TMC5: variants seen among roughly 807,000 people sequenced by gnomAD.
The protein encoded by TMC5 is transmembrane channel-like protein 5.
Under a neutral mutation model 110.5 loss-of-function variants are expected in TMC5, and 86 were observed. The observed-to-expected ratio is 0.78, with a 90% confidence interval of 0.65 to 0.93. TMC5 has a LOEUF of 0.93. TMC5 is among the 40% of genes least tolerant of loss of function. TMC5 has a pLI of 0.00. For synonymous variants in TMC5, 455 were observed against 439.5 expected, an observed-to-expected ratio of 1.04 and a Z score of -0.44; for missense variants, 1,144 against 1,222.8, an observed-to-expected ratio of 0.94 and a Z score of 0.96.
At chr16:19,444,043 C>G in intron 3 of TMC5, 38 bp from the exon 4 acceptor site, 1 of 1,579,586 alleles carries the variant, frequency 6.3e-7, no homozygotes, top group Non-Finnish European at 8.6e-7. Flanking sequence ...CCTTACTATA[C>G]TCTTGGTTGG....
At chr16:19,443,950 T>G in intron 3 of TMC5, 131 bp from the exon 4 acceptor site, 1 of 890,746 alleles carries the variant, frequency 1.1e-6, no homozygotes, top group South Asian at 1.7e-5. Flanking sequence ...GATGGATGGA[T>G]GGATGGATAA....
At chr16:19,472,018 C>T in intron 10 of TMC5, 70 bp from the exon 11 acceptor site, 2 of 1,547,344 alleles carry the variant, frequency 1.3e-6, no homozygotes, top group Non-Finnish European at 1.8e-6. Context: ...GCCTTGGCCT[C>T]CCAAAGTGCT....
chr16:19,414,546 G>T (rs1966867362), upstream of TMC5, among the ~76,000 whole-genome samples: 1 of 152,064 alleles, frequency 6.6e-6, no homozygotes, highest in Admixed American at 6.6e-5. Context: ...TATTCATACT[G>T]TGTGCAATTC....
Position 19,492,220 on chromosome 16 carries a change from A to C in TMC5, c.2818A>C (p.Ile940Leu), listed in dbSNP as rs1968925522. The C allele has an allele frequency of 1.9e-6, 3 of 1,612,058 alleles. No homozygotes were observed. The highest frequency in any genetic ancestry group is 2.5e-6 in the Non-Finnish European group (3 of 1,178,300). Reference protein sequence around the residue: ...KIMIRLLHEQIINEGKDKMFL... With the variant: ...KIMIRLLHEQLINEGKDKMFL... ...TATGATAAGGCTGCTCCATGAGCAG[A>C]TCATTAATGTAAGTCCCCTTGGATC... Residue 940 changes from isoleucine (I) to leucine (L), a missense_variant, in exon 19 of 22, where the codon ATC becomes CTC. Physicochemically the swap from Ile to Leu is conservative, Grantham distance 5 (BLOSUM62 2). Coordinates refer to ENST00000542583, the MANE Select transcript of TMC5 (RefSeq NM_001261841.2).
upstream of TMC5, among the ~76,000 whole-genome samples, chr16:19,417,418 CAAAAAAAA>C (rs34861075): frequency 1.2e-5 from 1 of 85,338 alleles, no homozygotes; most frequent in Non-Finnish European, 2.2e-5. Context: ...AACGCTGTCT[CAAAAAAAA>C]AAAAAAAAAA....
At chr16:19,417,623 A>G (rs765197650), upstream of TMC5, 11 of 152,114 alleles carry the variant, frequency 7.2e-5, no homozygotes, top group Non-Finnish European at 1.3e-4. Context: ...GGACTTTGAT[A>G]TTTTCATTGA....
At chr16:19,456,311 A>G in intron 5 of TMC5, 1 of 171,782 alleles carries the variant, frequency 5.8e-6, no homozygotes, top group South Asian at 1.5e-4. Context: ...TATAAGTTCT[A>G]GGCCAGAGGC....
chr16:19,413,395 A>C (rs1246830696), upstream of TMC5, among the ~76,000 whole-genome samples: 3 of 151,834 alleles, frequency 2.0e-5, no homozygotes, highest in Admixed American at 6.6e-5. Flanking sequence ...GTGGTGGTGC[A>C]TGCCTGTGGT....
chr16:19,496,052 GA>G (rs2143783425), intron 20 of TMC5, among the ~76,000 whole-genome samples: 1 of 151,832 alleles, frequency 6.6e-6, no homozygotes, highest in South Asian at 2.1e-4. Flanking sequence ...AGCTACTTGG[GA>G]GGCTGAAGCA....
At chr16:19,456,595 TG>T in intron 5 of TMC5, 1 of 1,495,452 alleles carries the variant, frequency 6.7e-7, no homozygotes, top group Non-Finnish European at 8.9e-7. Context: ...TGTATCCCTT[TG>T]TGATCATCAT....
intron 2 of TMC5, among the ~76,000 whole-genome samples, chr16:19,433,097 C>G (rs1967228560): frequency 2.6e-5 from 4 of 152,018 alleles, no homozygotes; most frequent in Admixed American, 6.6e-5. Flanking sequence ...AAAACAAAGA[C>G]CAAAATGATT....
chr16:19,427,856 C>G (rs1252541822), intron 1 of TMC5, among the ~76,000 whole-genome samples: 2 of 108,132 alleles, frequency 1.8e-5, no homozygotes, highest in Non-Finnish European at 4.7e-5. Context: ...TTCTGCCACT[C>G]TCTTTCTTAA....
intron 1 of TMC5, among the ~76,000 whole-genome samples, chr16:19,418,676 CCTT>C (rs1415713349): frequency 1.3e-5 from 2 of 150,884 alleles, no homozygotes; most frequent in Admixed American, 6.6e-5. Context: ...TTCTTCTCAT[CCTT>C]CTCATTTTTC....
intron 15 of TMC5, among the ~76,000 whole-genome samples, chr16:19,485,726 G>A (rs1052270537): frequency 1.1e-4 from 17 of 152,198 alleles, no homozygotes; most frequent in African/African-American, 3.4e-4. Flanking sequence ...AAATTCTAGC[G>A]AGATGTTACA....
chr16:19,491,619 T>C (rs554311264), intron 18 of TMC5, among the ~76,000 whole-genome samples: 1 of 150,894 alleles, frequency 6.6e-6, no homozygotes, highest in East Asian at 2.0e-4. Flanking sequence ...CACTGCAAGT[T>C]CCGCCTCCTG....
chr16:19,477,377 A>G, intron 12 of TMC5, 63 bp from the exon 13 acceptor site: 1 of 1,267,230 alleles, frequency 7.9e-7, no homozygotes, highest in Non-Finnish European at 1.2e-6. Context: ...CAAAGGAGCT[A>G]TTTGCAGACA....
At chr16:19,435,623 C>G (rs569717375) in intron 2 of TMC5, among the ~76,000 whole-genome samples, 9 of 152,144 alleles carry the variant, frequency 5.9e-5, no homozygotes, top group Admixed American at 5.2e-4. Context: ...CTTTAACCAC[C>G]GCTCAAGATC....
In TMC5 at chr16:19,435,311, G is replaced by T. The variant is rs1967318095; in HGVS notation, c.-79-4649G>T. ...TTGAGACCATCCTGGCTAACATGGT[G>T]AAACCCCATCTCTACTAAAAATACA... On this transcript the variant is annotated intron_variant, in intron 2 of 21. Coordinates refer to ENST00000542583, the MANE Select transcript of TMC5 (RefSeq NM_001261841.2). Among the ~76,000 whole-genome samples the T allele has an allele frequency of 2.1e-5, 3 of 143,684 alleles. No homozygotes were observed. The Admixed American group carries it at 2.2e-4, about 10-fold the overall frequency. 94.3% of individuals were successfully genotyped at this position (143,684 alleles called of 152,430 possible).
At chr16:19,423,073 G>C (rs555072992) in intron 1 of TMC5, among the ~76,000 whole-genome samples, 30 of 152,340 alleles carry the variant, frequency 2.0e-4, no homozygotes, top group African/African-American at 7.0e-4. Flanking sequence ...CCAGTGAACT[G>C]TGGTTGCACC....
Sources: allele counts gnomAD v4.1 joint callset (sites outside exome capture counted in the v4.1 genomes callset), GRCh38; gene constraint gnomAD v4.1.1; transcripts MANE v1.5; gene names NCBI Gene and HGNC (gene_info 2026-07-23, HGNC 2026-07-21).